CUX2: variants seen among roughly 807,000 people sequenced by gnomAD.
The protein encoded by CUX2 is cut like homeobox 2.
Under a neutral mutation model 144.8 loss-of-function variants are expected in CUX2, and 40 were observed. The ratio of observed to expected loss-of-function variants is 0.28; its 90% CI spans 0.21 to 0.36. The LOEUF (loss-of-function observed/expected upper bound fraction) is 0.36, where lower values mean the gene tolerates loss of function less well. Ranked by LOEUF, CUX2 falls within the 10% of genes least tolerant of loss-of-function variation. CUX2 has a pLI of 1.00. For synonymous variants in CUX2, 827 were observed against 875.6 expected (o/e 0.94, Z 0.98); for missense variants, 1,615 against 1,994.0 (o/e 0.81, Z 3.62).
At position 111,051,687 on chromosome 12, in the gene CUX2, A is replaced by T. The variant is rs148824663; in HGVS notation, c.63+17447A>T. On this transcript the variant is annotated intron_variant, in intron 1 of 21. Transcript: ENST00000261726. ...GATCATGTTTTTTATTCAGTCTGAA[A>T]AACTCTGCTCTTTGATTGGATTGTT... Among the ~76,000 whole-genome samples, 883 of 152,286 alleles carry T rather than the reference A, an allele frequency of 5.8e-3. 11 individuals carry two copies. The highest frequency in any genetic ancestry group is 0.02 in the African/African-American group (835 of 41,554).
At chr12:111,148,442 T>G (rs1460974003) in intron 1 of CUX2, among the ~76,000 whole-genome samples, 1 of 152,210 alleles carries the variant, frequency 6.6e-6, no homozygotes, top group Non-Finnish European at 1.5e-5. Flanking sequence ...GAAAAAGTTC[T>G]GGATAGTGGT....
intron 1 of CUX2, among the ~76,000 whole-genome samples, chr12:111,078,787 A>G (rs1476494196): frequency 6.6e-6 from 1 of 152,206 alleles, no homozygotes. Context: ...AAGGTCACTC[A>G]GAGGCAGGTG....
chr12:111,094,253 G>A (rs1265395617), intron 1 of CUX2, among the ~76,000 whole-genome samples: 2 of 152,198 alleles, frequency 1.3e-5, no homozygotes, highest in African/African-American at 2.4e-5. Context: ...TCCAAGAGCC[G>A]CATGAAGGAG....
intron 8 of CUX2, among the ~76,000 whole-genome samples, 182 bp downstream of exon 8, chr12:111,296,721 C>A (rs1226668828): frequency 1.5e-5 from 2 of 136,264 alleles, no homozygotes; most frequent in Admixed American, 7.1e-5. Context: ...CCCTCTGGCC[C>A]TCCCAGAGAG....
chr12:111,279,655 T>C (rs531760272), intron 4 of CUX2, among the ~76,000 whole-genome samples: 85 of 151,790 alleles, frequency 5.6e-4, no homozygotes, highest in African/African-American at 2.0e-3. Flanking sequence ...GGCACTGCCC[T>C]CCAGTCTGGG....
At chr12:111,097,784 T>G (rs1456918245) in intron 1 of CUX2, among the ~76,000 whole-genome samples, 1 of 152,116 alleles carries the variant, frequency 6.6e-6, no homozygotes, top group Non-Finnish European at 1.5e-5. Context: ...GTGGCTGTTT[T>G]GTACCTGGGG....
chr12:111,034,824 G>T lies in CUX2; in HGVS notation c.63+584G>T, dbSNP rs1869340840. On this transcript the variant is annotated intron_variant, in intron 1 of 21. Coordinates refer to ENST00000261726, the MANE Select transcript of CUX2 (RefSeq NM_015267.4). The surrounding 1 kb of genome is among the most constrained non-coding windows in gnomAD (Gnocchi z 4.2). ...GCCGGCACCTCAGCCTTCGCCGCCC[G>T]CCTGGCTGCGCAGCCCGGACGCGCC... Among the ~76,000 whole-genome samples the T allele has an allele frequency of 6.7e-6, 1 of 148,930 alleles. No individual in the cohort carries two copies. Among genetic ancestry groups the T allele is most frequent in the African/African-American group, 2.4e-5 (1 of 41,096 alleles).
At position 111,347,711 on chromosome 12, in the gene CUX2, G is replaced by C. The variant is rs61745424; in HGVS notation, c.3847G>C (p.Glu1283Gln). The part of the protein sequence containing the change: ...KELELQEGPE[E>Q]NSTPLTTQDK... The stretch of plus-strand genomic sequence containing the variant: ...ACTGGAGCTTCAGGAGGGCCCTGAG[G>C]AGAACAGCACACCCCTGACCACCCA... The change falls in exon 22 of 22, where the codon GAG becomes CAG. Residue 1283 changes from glutamate to glutamine, a missense_variant. Physicochemically the swap from Glu to Gln is conservative, Grantham distance 29. Coordinates refer to ENST00000261726, the MANE Select transcript of CUX2 (RefSeq NM_015267.4). 1 of 1,613,884 alleles carries C rather than the reference G, an allele frequency of 6.2e-7. No homozygotes were observed. The highest frequency in any genetic ancestry group is 8.5e-7 in the Non-Finnish European group (1 of 1,179,980).
chr12:111,248,420 C>T (rs1352168066), intron 3 of CUX2, among the ~76,000 whole-genome samples: 1 of 152,210 alleles, frequency 6.6e-6, no homozygotes, highest in African/African-American at 2.4e-5. Flanking sequence ...AGAAGGGCCT[C>T]TTCTGTGTGC....
At chr12:111,339,074 A>G (rs1888473215) in intron 20 of CUX2, among the ~76,000 whole-genome samples, 1 of 151,906 alleles carries the variant, frequency 6.6e-6, no homozygotes, top group Non-Finnish European at 1.5e-5. Context: ...CTCTACTAAA[A>G]ATAAAAAATT....
At position 111,178,861 on chromosome 12, in the gene CUX2, G is replaced by A. The variant is rs1044793458; in HGVS notation, c.64-35339G>A. Among the ~76,000 whole-genome samples the A allele has an allele frequency of 2.0e-5, 3 of 152,156 alleles. No homozygotes were observed. The highest frequency in any genetic ancestry group is 1.3e-4 in the Admixed American group (2 of 15,276). ...TATCCCAGGGCTGAGCTGGAAGACC[G>A]TGTGCATGTGCCAGGTCCAGGAGCG... On this transcript the variant is annotated intron_variant, in intron 1 of 21. Coordinates refer to ENST00000261726, the MANE Select transcript of CUX2 (RefSeq NM_015267.4). This position sits in a 1 kb window ranked among gnomAD's most constrained non-coding sequence, Gnocchi z 5.7.
At chr12:111,157,771 A>G (rs893991450) in intron 1 of CUX2, among the ~76,000 whole-genome samples, 1 of 152,224 alleles carries the variant, frequency 6.6e-6, no homozygotes, top group Admixed American at 6.5e-5. Flanking sequence ...TCTTAGGTTG[A>G]TGAGAGGGAG....
In CUX2 at chr12:111,189,642, T is replaced by A. The variant is rs2136192383; in HGVS notation, c.64-24558T>A. ...TCCAGTCTGGGGCTATTATGAATAC[T>A]GCTTCTATGAACATTCCAGACCAGC... On this transcript the variant is annotated intron_variant, in intron 1 of 21. Coordinates refer to ENST00000261726, the MANE Select transcript of CUX2 (RefSeq NM_015267.4). 1.3e-5 allele frequency among the ~76,000 whole-genome samples: 2 copies of A among 152,354 alleles called. 1 individual carries two copies. The highest frequency in any genetic ancestry group is 6.8e-3 in the Middle Eastern group (2 of 294).
chr12:111,224,883 G>T (rs894606560), intron 3 of CUX2, among the ~76,000 whole-genome samples: 1 of 152,050 alleles, frequency 6.6e-6, no homozygotes, highest in African/African-American at 2.4e-5. Context: ...ACCTCTCTGG[G>T]TTTCACTTTC....
chr12:111,075,387 G>A (rs1447956172), intron 1 of CUX2, among the ~76,000 whole-genome samples: 1 of 152,136 alleles, frequency 6.6e-6, no homozygotes, highest in East Asian at 1.9e-4. Flanking sequence ...AGGATTCCTG[G>A]TGGTCCGTAA....
intron 1 of CUX2, among the ~76,000 whole-genome samples, chr12:111,107,829 G>C (rs911039453): frequency 6.6e-6 from 1 of 151,796 alleles, no homozygotes; most frequent in Non-Finnish European, 1.5e-5. Flanking sequence ...CTGACAAAAA[G>C]TTACAAAAAC....
rs1279553936 is a variant in CUX2, at chr12:111,338,314, G to A, written c.3225G>A (p.Leu1075=). The change falls in exon 20 of 22, where the codon CTG becomes CTA. Residue 1075 remains leucine, a synonymous_variant. Transcript: ENST00000261726. ...AGCGGCTGTTTGGGGAAAGCATCCT[G>A]GGTCTGACACAGGGCTCCGTGTCTG... ...LGQRLFGESI[L]GLTQGSVSDL... The A allele has an allele frequency of 2.5e-6, 4 of 1,612,458 alleles. No individual in the cohort carries two copies. In the East Asian group the frequency reaches 6.7e-5, roughly 27 times the overall value.
chr12:111,209,824 C>T (rs1881114038), intron 1 of CUX2, among the ~76,000 whole-genome samples: 1 of 152,244 alleles, frequency 6.6e-6, no homozygotes, highest in Non-Finnish European at 1.5e-5. Context: ...TCTCTCTGCA[C>T]ATTGGCCCGA....
intron 1 of CUX2, among the ~76,000 whole-genome samples, chr12:111,112,373 A>G (rs1395238115): frequency 6.6e-6 from 1 of 152,234 alleles, no homozygotes; most frequent in Non-Finnish European, 1.5e-5. Context: ...TTAGTGAACC[A>G]CCTTCTTACA....
Sources: allele counts gnomAD v4.1 joint callset (sites outside exome capture counted in the v4.1 genomes callset), GRCh38; gene constraint gnomAD v4.1.1; non-coding constraint Gnocchi (gnomAD v3.1); transcripts MANE v1.5; gene names NCBI Gene and HGNC (gene_info 2026-07-23, HGNC 2026-07-21).